LRRC40: variants seen among roughly 807,000 people sequenced by gnomAD.
LRRC40 encodes the protein leucine rich repeat containing 40.
A neutral mutation model predicts 72.8 loss-of-function variants in LRRC40; 76 were observed. The ratio of observed to expected loss-of-function variants is 1.04; its 90% CI spans 0.87 to 1.26. The LOEUF is 1.26. Among genes scored for constraint, LRRC40 ranks in the 50% most tolerant of loss-of-function variants. The pLI is 0.00. For missense variants in LRRC40, 684 were observed against 698.9 expected, an observed-to-expected ratio of 0.98 and a Z score of 0.24; for synonymous variants, 243 against 254.2, an observed-to-expected ratio of 0.96 and a Z score of 0.42.
chr1:70,189,761 A>C (rs1276510795), intron 1 of LRRC40, among the ~76,000 whole-genome samples: 2 of 152,250 alleles, frequency 1.3e-5, no homozygotes, highest in African/African-American at 2.4e-5. Context: ...TAAACCTTGG[A>C]ACAATTCTGC....
chr1:70,177,982 T>C (rs1668146353), intron 6 of LRRC40, among the ~76,000 whole-genome samples: 1 of 152,238 alleles, frequency 6.6e-6, no homozygotes, highest in African/African-American at 2.4e-5. Flanking sequence ...TTCCTTATGA[T>C]TTTCTTAATA....
chr1:70,185,910 T>C (rs1340288065), intron 3 of LRRC40, among the ~76,000 whole-genome samples: 2 of 152,146 alleles, frequency 1.3e-5, no homozygotes, highest in East Asian at 1.9e-4. Flanking sequence ...AATACTCACT[T>C]ACGAATTCCA....
chr1:70,152,307 T>C (rs959688178), intron 12 of LRRC40, 126 bp downstream of exon 12: 17 of 579,116 alleles, frequency 2.9e-5, no homozygotes, highest in Admixed American at 1.4e-4. Flanking sequence ...CCTAAACTAT[T>C]GTTAATAAAT....
chr1:70,163,164 C>T (rs1456291814), intron 9 of LRRC40, among the ~76,000 whole-genome samples: 1 of 151,708 alleles, frequency 6.6e-6, no homozygotes, highest in East Asian at 1.9e-4. Flanking sequence ...CAACCTCCGA[C>T]TCCCTGGTTC....
intron 4 of LRRC40, among the ~76,000 whole-genome samples, chr1:70,184,338 A>T (rs954226404): frequency 6.6e-6 from 1 of 152,202 alleles, no homozygotes; most frequent in African/African-American, 2.4e-5. Flanking sequence ...AAACAATGGA[A>T]TTAAAATTTT....
intron 1 of LRRC40, among the ~76,000 whole-genome samples, chr1:70,193,930 C>CTCCTTCA: frequency 6.6e-6 from 1 of 152,146 alleles, no homozygotes; most frequent in Middle Eastern, 3.4e-3. Context: ...TCAAAGGGAA[C>CTCCTTCA]TCCTTCAACC....
chr1:70,180,146 A>C (rs1668210082), intron 5 of LRRC40: 1 of 152,134 alleles, frequency 6.6e-6, no homozygotes, highest in Non-Finnish European at 1.5e-5. Context: ...TGAGAGAGAG[A>C]GAAGAGGTCT....
At chr1:70,146,352 T>C (rs1667293615) in intron 14 of LRRC40, among the ~76,000 whole-genome samples, 1 of 152,132 alleles carries the variant, frequency 6.6e-6, no homozygotes, top group Non-Finnish European at 1.5e-5. Context: ...ATCTGAACAT[T>C]TAAACATTAG....
Position 70,181,197 on chromosome 1 carries a change from T to G in LRRC40, c.550A>C (p.Asn184His), listed in dbSNP as rs765543170. ...SNLEDLDLSNNHLTTVPASFS... is the reference protein window; with the variant it reads ...SNLEDLDLSNHHLTTVPASFS... Reference sequence around the variant, plus strand: ...CTAGCAGGAACAGTTGTAAGATGATTGTTTGAAAGATCCTTTAAAAAGAGA... The same window carrying G: ...CTAGCAGGAACAGTTGTAAGATGATGGTTTGAAAGATCCTTTAAAAAGAGA... The change falls in exon 5 of 15, where the codon AAT (asparagine) becomes CAT (histidine). Residue 184 changes from asparagine (N) to histidine (H), a missense_variant. Coordinates refer to ENST00000370952, the MANE Select transcript of LRRC40 (RefSeq NM_017768.5). 2 of 1,551,620 alleles carry G rather than the reference T, an allele frequency of 1.3e-6. No individual in the cohort carries two copies. Among genetic ancestry groups the G allele is most frequent in the Non-Finnish European group, 1.7e-6 (2 of 1,154,518 alleles).
At chr1:70,151,069 C>T in intron 13 of LRRC40, 59 bp downstream of exon 13, 1 of 953,664 alleles carries the variant, frequency 1.0e-6, no homozygotes, top group East Asian at 2.6e-5. Flanking sequence ...TTGTTTTCTC[C>T]AATGAGAAAG....
chr1:70,182,976 T>C (rs1435594511), intron 4 of LRRC40, among the ~76,000 whole-genome samples: 2 of 152,134 alleles, frequency 1.3e-5, no homozygotes, highest in African/African-American at 4.8e-5. Flanking sequence ...ATGGACTCTT[T>C]TAAATCAACT....
At chr1:70,145,975 G>T in intron 14 of LRRC40, 70 bp from the exon 15 acceptor site, 1 of 691,592 alleles carries the variant, frequency 1.4e-6, no homozygotes, top group Non-Finnish European at 2.4e-6. Context: ...AATTTCATTT[G>T]CAATTTTATA....
At chr1:70,199,294 C>A (rs1668683586) in intron 1 of LRRC40, among the ~76,000 whole-genome samples, 1 of 151,748 alleles carries the variant, frequency 6.6e-6, no homozygotes, top group Non-Finnish European at 1.5e-5. Context: ...CAGTGACTAA[C>A]TCTGGTTGGC....
chr1:70,172,135 G>A (rs1668012542), intron 9 of LRRC40, among the ~76,000 whole-genome samples: 1 of 152,092 alleles, frequency 6.6e-6, no homozygotes, highest in East Asian at 1.9e-4. Flanking sequence ...AGTCTTGGGG[G>A]CTCATTAACC....
chr1:70,186,537 T>C (rs1668362020), intron 3 of LRRC40, among the ~76,000 whole-genome samples: 1 of 152,248 alleles, frequency 6.6e-6, no homozygotes, highest in African/African-American at 2.4e-5. Flanking sequence ...CAAACTTGAC[T>C]ATATTACATT....
At chr1:70,190,687 A>AAAAAAAAAAAAAAAAAAAAAAAC (rs1668478967) in intron 1 of LRRC40, among the ~76,000 whole-genome samples, 1 of 148,528 alleles carries the variant, frequency 6.7e-6, no homozygotes, top group African/African-American at 2.5e-5. Context: ...TAAAAAAAAA[A>AAAAAAAAAAAAAAAAAAAAAAAC]AAAAAAAAAC....
At chr1:70,155,892 T>C (rs1285920567) in intron 10 of LRRC40, 96 bp from the exon 11 acceptor site, 3 of 508,016 alleles carry the variant, frequency 5.9e-6, no homozygotes, top group Non-Finnish European at 6.7e-6. Flanking sequence ...AAAGATTTTA[T>C]GAAATTTTTC....
chr1:70,161,715 CAGA>C (rs1667768263), intron 9 of LRRC40, among the ~76,000 whole-genome samples: 1 of 152,030 alleles, frequency 6.6e-6, no homozygotes, highest in South Asian at 2.1e-4. Flanking sequence ...TCTGCCTCTC[CAGA>C]AGGTTTAGAA....
chr1:70,183,412 A>T (rs1232633628), intron 4 of LRRC40, among the ~76,000 whole-genome samples: 1 of 152,062 alleles, frequency 6.6e-6, no homozygotes. Flanking sequence ...AAATGGAAAA[A>T]AAAAAAGAGA....
Sources: allele counts gnomAD v4.1 joint callset (sites outside exome capture counted in the v4.1 genomes callset), GRCh38; gene constraint gnomAD v4.1.1; transcripts MANE v1.5; gene names NCBI Gene and HGNC (gene_info 2026-07-23, HGNC 2026-07-21).